Variants in CDKAL1 observed in about 807,000 individuals in gnomAD.
CDKAL1 encodes the protein threonylcarbamoyladenosine tRNA methylthiotransferase.
A neutral mutation model predicts 68.2 loss-of-function variants in CDKAL1; 32 were observed. The observed-to-expected ratio is 0.47, with a 90% CI of 0.35 to 0.63. The LOEUF (loss-of-function observed/expected upper bound fraction) is 0.63. Among genes scored for constraint, CDKAL1 ranks in the 30% least tolerant of loss-of-function variants. The pLI is 0.00. For synonymous variants in CDKAL1, 234 were observed against 244.3 expected (o/e 0.96, Z 0.39); for missense variants, 606 against 696.7 (o/e 0.87, Z 1.47).
At chr6:21,222,259 C>A (rs73388002) in intron 15 of CDKAL1, among the ~76,000 whole-genome samples, 8,068 of 152,172 alleles carry the variant, frequency 0.053, 574 homozygotes, top group African/African-American at 0.17. Context: ...GACCTGATAG[C>A]AATTACACAT....
chr6:20,590,004 G>A (rs899759828), intron 4 of CDKAL1, among the ~76,000 whole-genome samples: 5 of 152,026 alleles, frequency 3.3e-5, no homozygotes, highest in African/African-American at 4.8e-5. Flanking sequence ...ATAAAATGAG[G>A]ATAATAGTGC....
At chr6:20,876,596 G>C (rs373169507) in intron 9 of CDKAL1, among the ~76,000 whole-genome samples, 3 of 152,084 alleles carry the variant, frequency 2.0e-5, no homozygotes, top group African/African-American at 7.2e-5. Context: ...TTTATTTTGA[G>C]CATGCAGGAG....
chr6:20,774,527 C>T (rs1226763724), intron 7 of CDKAL1, among the ~76,000 whole-genome samples: 3 of 152,082 alleles, frequency 2.0e-5, no homozygotes, highest in African/African-American at 7.2e-5. Context: ...TGTTTTCCCT[C>T]GGTTCTAACA....
At chr6:20,813,200 G>A (rs992138299) in intron 8 of CDKAL1, among the ~76,000 whole-genome samples, 5 of 151,914 alleles carry the variant, frequency 3.3e-5, no homozygotes, top group African/African-American at 1.2e-4. Context: ...CCCCACTTTG[G>A]CCTCCCAAAG....
intron 15 of CDKAL1, among the ~76,000 whole-genome samples, chr6:21,214,919 C>T (rs538050588): frequency 3.5e-5 from 5 of 142,804 alleles, no homozygotes; most frequent in African/African-American, 1.3e-4. Flanking sequence ...GAATTTGTTC[C>T]GGAGATATAT....
intron 5 of CDKAL1, among the ~76,000 whole-genome samples, chr6:20,695,530 AT>A (rs1035857174): frequency 1.3e-5 from 2 of 152,182 alleles, no homozygotes; most frequent in African/African-American, 4.8e-5. Flanking sequence ...AAGAAGTGAT[AT>A]TTATACATTA....
At chr6:20,719,353 T>C (rs1772240411) in intron 5 of CDKAL1, among the ~76,000 whole-genome samples, 1 of 152,216 alleles carries the variant, frequency 6.6e-6, no homozygotes, top group African/African-American at 2.4e-5. Flanking sequence ...ATTTGGTCTT[T>C]TTAGTGTCAT....
At chr6:20,627,052 A>T (rs1316966611) in intron 4 of CDKAL1, among the ~76,000 whole-genome samples, 1 of 152,304 alleles carries the variant, frequency 6.6e-6, no homozygotes, top group Non-Finnish European at 1.5e-5. Flanking sequence ...CCAAATCCGA[A>T]TATATCCTTC....
intron 12 of CDKAL1, among the ~76,000 whole-genome samples, chr6:21,082,362 G>A (rs1474394799): frequency 6.6e-6 from 1 of 152,128 alleles, no homozygotes; most frequent in African/African-American, 2.4e-5. Context: ...TTTGTCTCCT[G>A]TTATTCTTTC....
At chr6:21,056,414 G>A (rs1047999273) in intron 11 of CDKAL1, among the ~76,000 whole-genome samples, 13 of 151,988 alleles carry the variant, frequency 8.6e-5, no homozygotes, top group African/African-American at 2.7e-4. Context: ...TGAGTTAAGA[G>A]GTTTTTGTGC....
rs147106704 is a variant in CDKAL1 at position 20,803,905 on chromosome 6, A to G, written c.638+22640A>G. On this transcript the variant is annotated intron_variant, in intron 8 of 15. Transcript: ENST00000274695. Reference sequence around the variant, plus strand: ...GAATGTAGGTGGAAGTGCTTAGGATAATATAACACTTCTACCTTCAAGGCA... The same window carrying G: ...GAATGTAGGTGGAAGTGCTTAGGATGATATAACACTTCTACCTTCAAGGCA... 1.8e-4 allele frequency among the ~76,000 whole-genome samples: 27 copies of G among 152,308 alleles called. No homozygotes were observed. In the East Asian group the frequency reaches 5.2e-3, roughly 29 times the overall value.
intron 7 of CDKAL1, among the ~76,000 whole-genome samples, chr6:20,762,078 TA>T (rs1238787767): frequency 2.0e-5 from 3 of 152,284 alleles, no homozygotes; most frequent in Admixed American, 6.5e-5. Context: ...AAAACTACTC[TA>T]AAAAATAAAA....
chr6:20,676,199 G>T (rs935587165), intron 5 of CDKAL1, among the ~76,000 whole-genome samples: 5 of 152,086 alleles, frequency 3.3e-5, no homozygotes, highest in African/African-American at 9.6e-5. Context: ...GTTTATTATT[G>T]AAATATATAA....
intron 5 of CDKAL1, among the ~76,000 whole-genome samples, chr6:20,651,144 C>A (rs1238069797): frequency 1.3e-5 from 2 of 151,942 alleles, no homozygotes; most frequent in Non-Finnish European, 2.9e-5. Flanking sequence ...TTACTTTGGG[C>A]AGTATGGCCA....
chr6:21,198,011 C>G lies in CDKAL1; in HGVS notation c.1300-10C>G. On this transcript the variant is annotated splice_polypyrimidine_tract_variant and intron_variant, in intron 13 of 15. Coordinates refer to ENST00000274695, the MANE Select transcript of CDKAL1 (RefSeq NM_017774.3). ...ATCTTTCCTTTCTTTCCCTCCCCTT[C>G]TCTCCACAGATTGGTGAAAGACAAC... is the stretch of plus-strand genomic sequence containing the variant. 1 of 1,569,146 alleles carries G rather than the reference C, an allele frequency of 6.4e-7. No homozygotes were observed. Among genetic ancestry groups the G allele is most frequent in the Non-Finnish European group, 8.7e-7 (1 of 1,147,030 alleles).
At chr6:20,735,051 A>G (rs563892035) in intron 5 of CDKAL1, among the ~76,000 whole-genome samples, 2 of 151,426 alleles carry the variant, frequency 1.3e-5, no homozygotes, top group East Asian at 3.9e-4. Flanking sequence ...TTGTATTTTT[A>G]GTAGAGATGG....
At chr6:20,872,659 C>T (rs895694825) in intron 9 of CDKAL1, among the ~76,000 whole-genome samples, 17 of 152,048 alleles carry the variant, frequency 1.1e-4, no homozygotes, top group Admixed American at 2.6e-4. Context: ...GTGTCCTATT[C>T]GTTTTCCTTT....
chr6:21,054,796 T>C (rs1311262736), intron 11 of CDKAL1, among the ~76,000 whole-genome samples: 2 of 152,106 alleles, frequency 1.3e-5, no homozygotes, highest in Admixed American at 6.5e-5. Context: ...TGTAATTGAT[T>C]TTTATATATT....
intron 4 of CDKAL1, among the ~76,000 whole-genome samples, chr6:20,648,913 C>T (rs927666111): frequency 9.9e-5 from 15 of 152,142 alleles, no homozygotes; most frequent in African/African-American, 3.6e-4. Flanking sequence ...GAAGAATATT[C>T]AGTGTACACT....
Sources: allele counts gnomAD v4.1 joint callset (sites outside exome capture counted in the v4.1 genomes callset), GRCh38; gene constraint gnomAD v4.1.1; transcripts MANE v1.5; gene names NCBI Gene and HGNC (gene_info 2026-07-23, HGNC 2026-07-21).